Variants in RP1L1 observed in about 807,000 individuals in gnomAD.
The protein encoded by RP1L1 is RP1 like 1, also known as retinitis pigmentosa 1-like 1 protein.
RP1L1 carries 27 observed loss-of-function variants against 15.7 expected under a neutral mutation model. That is an observed-to-expected ratio of 1.72 (90% confidence interval 1.27 to 2.38). RP1L1 has a LOEUF of 2.38. Among genes scored for constraint, RP1L1 ranks in the 30% most tolerant of loss-of-function variants. The pLI, the probability that RP1L1 is intolerant of heterozygous loss-of-function variation, is 0.00. For synonymous variants in RP1L1, 1,813 were observed against 1,276.7 expected, an observed-to-expected ratio of 1.42 and a Z score of -8.96; for missense variants, 4,798 against 3,075.9, an observed-to-expected ratio of 1.56 and a Z score of -13.24.
intron 1 of RP1L1, among the ~76,000 whole-genome samples, chr8:10,643,842 T>C (rs1450721696): frequency 6.6e-6 from 1 of 151,868 alleles, no homozygotes; most frequent in Non-Finnish European, 1.5e-5. Context: ...AACATGTCGA[T>C]AGTGCCATGG....
chr8:10,639,314 G>A (rs1215336085), intron 1 of RP1L1, among the ~76,000 whole-genome samples: 1 of 152,120 alleles, frequency 6.6e-6, no homozygotes, highest in Non-Finnish European at 1.5e-5. Flanking sequence ...GAATCTGCCC[G>A]CGTGGCTCTA....
intron 1 of RP1L1, among the ~76,000 whole-genome samples, chr8:10,649,904 C>T (rs912256394): frequency 4.6e-5 from 7 of 152,184 alleles, no homozygotes; most frequent in African/African-American, 1.7e-4. Flanking sequence ...CCTGCCCCAC[C>T]TCTTGCTTGC....
chr8:10,652,498 A>G (rs1299087743), intron 1 of RP1L1, among the ~76,000 whole-genome samples: 1 of 152,174 alleles, frequency 6.6e-6, no homozygotes, highest in Non-Finnish European at 1.5e-5. Context: ...CCTGCTGGGT[A>G]TAACCAGCCC....
intron 2 of RP1L1, 93 bp from the exon 3 acceptor site, chr8:10,616,680 C>T: frequency 7.1e-7 from 1 of 1,412,066 alleles, no homozygotes; most frequent in South Asian, 1.4e-5. Flanking sequence ...CTCACCAGCC[C>T]TGTCCTGATT....
Position 10,609,034 on chromosome 8 carries a change from G to C in RP1L1, c.5064C>G (p.Asp1688Glu), listed in dbSNP as rs1203001203. ...ATRGPIKEAF[D>E]LQQILQRKRG... ...TCTTCCTCTGCAGAATCTGCTGCAG[G>C]TCAAAGGCCTCTTTGATGGGACCTC... The change falls in exon 4 of 4, where the codon GAC becomes GAG. Residue 1688 changes from aspartate (D) to glutamate (E), a missense_variant. Transcript: ENST00000382483. The C allele has an allele frequency of 6.2e-7, 1 of 1,613,772 alleles. No individual in the cohort carries two copies. The highest frequency in any genetic ancestry group is 8.5e-7 in the Non-Finnish European group (1 of 1,179,734).
chr8:10,611,827 A>C lies in RP1L1; in HGVS notation c.2271T>G (p.Ala757=). Residue 757 remains alanine, a synonymous_variant, in exon 4 of 4, where the codon GCT becomes GCG. Transcript: ENST00000382483. ...CGTCCCCTGCCCACCCGGCAGAGGG[A>C]GCGTTGTGCGGGGAGACTCCAGAAA... is the stretch of plus-strand genomic sequence containing the variant. The part of the protein sequence containing the change: ...DFVSGVSPHN[A]PSAGWAGDAG... 1 of 1,613,612 alleles carries C rather than the reference A, an allele frequency of 6.2e-7. No individual in the cohort carries two copies. The highest frequency in any genetic ancestry group is 8.5e-7 in the Non-Finnish European group (1 of 1,179,998).
In RP1L1 at chr8:10,613,193, G is replaced by A. The variant is rs759951793; in HGVS notation, c.905C>T (p.Pro302Leu). ...HPQDTPAQSG[P>L]LVAGDDMKKK... ...CTTCATGTCATCGCCAGCCACCAGC[G>A]GGCCCGACTGAGCTGGCGTGTCCTG... The change falls in exon 4 of 4, where the codon CCG becomes CTG. Residue 302 changes from proline (P) to leucine (L), a missense_variant. Physicochemically the swap from Pro to Leu is moderately conservative, Grantham distance 98. Transcript: ENST00000382483. 2.7e-5 allele frequency: 43 copies of A among 1,613,510 alleles called. No individual in the cohort carries two copies. The highest frequency in any genetic ancestry group is 4.4e-5 in the South Asian group (4 of 91,080).
chr8:10,639,412 G>C (rs1343366940), intron 1 of RP1L1, among the ~76,000 whole-genome samples: 1 of 152,096 alleles, frequency 6.6e-6, no homozygotes, highest in Non-Finnish European at 1.5e-5. Flanking sequence ...ACAGGGTCTT[G>C]CTCAGGCTGG....
chr8:10,622,949 G>A lies in RP1L1; in HGVS notation c.253C>T (p.Arg85Trp), dbSNP rs779469547. Residue 85 changes from arginine to tryptophan, a missense_variant, in exon 2 of 4, where the codon CGG becomes TGG. Coordinates refer to ENST00000382483, the MANE Select transcript of RP1L1 (RefSeq NM_178857.6). ...SFGVRSVTTP[R>W]GLHSLSALEQ... ...AGGGCGCTGAGGCTATGCAGGCCCC[G>A]GGGTGTGGTGACAGAGCGCACCCCA... 1.2e-4 allele frequency: 191 copies of A among 1,613,982 alleles called. No homozygotes were observed. The highest frequency in any genetic ancestry group is 8.2e-4 in the Middle Eastern group (5 of 6,078).
Position 10,608,382 on chromosome 8 carries a change from C to T in RP1L1, c.5716G>A (p.Ala1906Thr), listed in dbSNP as rs1186390069. 3.7e-6 allele frequency: 6 copies of T among 1,613,012 alleles called. 1 individual carries two copies. The highest frequency in any genetic ancestry group is 4.5e-5 in the East Asian group (2 of 44,756). The stretch of plus-strand genomic sequence containing the variant: ...TCCTTTTCTGCCTCCGGGGCTTCTG[C>T]ACCTTCTGACTCTGGCTGGACCTCC... Reference protein sequence around the residue: ...EWEVQPESEGAEAPEAEKEAQ... With the variant: ...EWEVQPESEGTEAPEAEKEAQ... Residue 1906 changes from alanine to threonine, a missense_variant, in exon 4 of 4, where the codon GCA becomes ACA. Ala to Thr is a moderately conservative substitution (Grantham distance 58, BLOSUM62 0). Coordinates refer to ENST00000382483, the MANE Select transcript of RP1L1 (RefSeq NM_178857.6).
rs1225853200 is a variant in RP1L1 at position 10,609,118 on chromosome 8, C to G, written c.4980G>C (p.Glu1660Asp). ...GGCTCACTTTCTTCCTCACGCAGGC[C>G]TCGCAGGGACAGAACTCCTCCCCCT... is the stretch of plus-strand genomic sequence containing the variant. ...EAEGEEFCPC[E>D]ACVRKKVSPM... The change falls in exon 4 of 4, where the codon GAG becomes GAC. Residue 1660 changes from glutamate to aspartate, a missense_variant. Coordinates refer to ENST00000382483, the MANE Select transcript of RP1L1 (RefSeq NM_178857.6). 2.5e-6 allele frequency: 4 copies of G among 1,613,432 alleles called. No homozygotes were observed. The highest frequency in any genetic ancestry group is 3.4e-6 in the Non-Finnish European group (4 of 1,179,632).
At chr8:10,634,024 C>T (rs1051997459) in intron 1 of RP1L1, among the ~76,000 whole-genome samples, 2 of 152,102 alleles carry the variant, frequency 1.3e-5, no homozygotes, top group Non-Finnish European at 2.9e-5. Flanking sequence ...ACCCTGATCC[C>T]CAGCTGCAGG....
In RP1L1 at chr8:10,608,833, GTC is replaced by G; in HGVS notation, c.5263_5264del (p.Asp1755GlnfsTer25). The stretch of plus-strand genomic sequence containing the variant: ...CTGCCTCCCCGAGTTTGGGATCTTT[GTC>G]TCTGTTGAGTCTCTGGCTCCCCTCG... ...DGEGSQRLNR[D>X]KDPKLGEAEG... On this transcript the variant is annotated frameshift_variant, in exon 4 of 4. Coordinates refer to ENST00000382483, the MANE Select transcript of RP1L1 (RefSeq NM_178857.6). LOFTEE classifies it low-confidence loss of function (END_TRUNC). 1 of 1,613,946 alleles carries G rather than the reference GTC, an allele frequency of 6.2e-7. No homozygotes were observed. The highest frequency in any genetic ancestry group is 1.1e-5 in the South Asian group (1 of 91,082).
intron 1 of RP1L1, among the ~76,000 whole-genome samples, chr8:10,626,152 G>A (rs1330980748): frequency 6.6e-6 from 1 of 152,144 alleles, no homozygotes; most frequent in East Asian, 1.9e-4. Context: ...TGGCAGCCCT[G>A]GGAGCAGAAG....
chr8:10,606,706 G>T lies in RP1L1; in HGVS notation c.*189C>A. The T allele has an allele frequency of 1.0e-6, 1 of 956,802 alleles. No individual in the cohort carries two copies. The highest frequency in any genetic ancestry group is 1.5e-6 in the Non-Finnish European group (1 of 660,308). 59.3% of individuals were successfully genotyped at this position (956,802 alleles called of 1,614,324 possible). On this transcript the variant is annotated 3_prime_UTR_variant, in exon 4 of 4. Transcript: ENST00000382483. The stretch of plus-strand genomic sequence containing the variant: ...CACTGCGTGTGGGACGGGCCGCAGA[G>T]CTCTCTGACACTTCTGGACTTAAGA...
Position 10,612,769 on chromosome 8 carries a change from G to T in RP1L1, c.1329C>A (p.Ala443=). 1 of 1,609,380 alleles carries T rather than the reference G, an allele frequency of 6.2e-7. No homozygotes were observed. The part of the protein sequence containing the change: ...RCSGLWGHGT[A]GRERCSQDSA... ...TGTCCTGGCTGCATCTCTCCCTCCC[G>T]GCAGTCCCGTGGCCCCACAGGCCAC... The change falls in exon 4 of 4, where the codon GCC becomes GCA. Residue 443 remains alanine (A), a synonymous_variant. Transcript: ENST00000382483.
intron 1 of RP1L1, among the ~76,000 whole-genome samples, chr8:10,649,851 G>T (rs1586005566): frequency 6.6e-6 from 1 of 152,310 alleles, no homozygotes; most frequent in African/African-American, 2.4e-5. Context: ...GAAAGAGATA[G>T]TGGATGCGGC....
chr8:10,610,868 C>A lies in RP1L1; in HGVS notation c.3230G>T (p.Gly1077Val). Residue 1077 changes from glycine to valine, a missense_variant, in exon 4 of 4, where the codon GGC becomes GTC. Physicochemically the swap from Gly to Val is moderately radical, Grantham distance 109. Coordinates refer to ENST00000382483, the MANE Select transcript of RP1L1 (RefSeq NM_178857.6). ...GATCTGCGTGGAGGCAGACACCCGG[C>A]CAGGAAGTGCCCGCAGGCTCACCCT... Reference protein sequence around the residue: ...GCRVSLRALPGRVSASTQIMR... With the variant: ...GCRVSLRALPVRVSASTQIMR... 6.2e-7 allele frequency: 1 copy of A among 1,608,568 alleles called. No individual in the cohort carries two copies. Among genetic ancestry groups the A allele is most frequent in the Non-Finnish European group, 8.5e-7 (1 of 1,177,242 alleles).
Position 10,610,418 on chromosome 8 carries a change from C to G in RP1L1, c.3680G>C (p.Gly1227Ala). Residue 1227 changes from glycine (G) to alanine (A), a missense_variant, in exon 4 of 4, where the codon GGG (glycine) becomes GCG (alanine). Physicochemically the swap from Gly to Ala is moderately conservative, Grantham distance 60. Transcript: ENST00000382483. Reference protein sequence around the residue: ...CAMDGTLVTQGTELPLKTSNQ... With the variant: ...CAMDGTLVTQATELPLKTSNQ... ...GGAGGTTTTCAGGGGCAGCTCTGTCCCCTGTGTCACCAGGGTGCCGTCCAT... is the reference window on the plus strand; with the variant it reads ...GGAGGTTTTCAGGGGCAGCTCTGTCGCCTGTGTCACCAGGGTGCCGTCCAT... 1 of 1,613,922 alleles carries G rather than the reference C, an allele frequency of 6.2e-7. No homozygotes were observed. The highest frequency in any genetic ancestry group is 8.5e-7 in the Non-Finnish European group (1 of 1,180,026).
Sources: allele counts gnomAD v4.1 joint callset (sites outside exome capture counted in the v4.1 genomes callset), GRCh38; gene constraint gnomAD v4.1.1; transcripts MANE v1.5; gene names NCBI Gene and HGNC (gene_info 2026-07-23, HGNC 2026-07-21).